TMEM201: variants seen among roughly 807,000 people sequenced by gnomAD.
TMEM201 encodes transmembrane protein 201.
TMEM201 carries 26 observed loss-of-function variants against 63.4 expected under a neutral mutation model. That is an observed-to-expected ratio of 0.41 (90% confidence interval 0.30 to 0.57). The LOEUF (loss-of-function observed/expected upper bound fraction) is 0.57. Among genes scored for constraint, TMEM201 ranks in the 20% least tolerant of loss-of-function variants. The pLI, the probability that TMEM201 is intolerant of heterozygous loss-of-function variation, is 0.29. For missense variants in TMEM201, 794 were observed against 917.7 expected (o/e 0.87, Z 1.74); for synonymous variants, 417 against 421.6 (o/e 0.99, Z 0.14).
intron 5 of TMEM201, 72 bp downstream of exon 5, chr1:9,601,526 C>A: frequency 1.4e-6 from 2 of 1,391,370 alleles, no homozygotes; most frequent in South Asian, 2.7e-5. Context: ...AGGGCGGGGG[C>A]CAAGAGACCC....
chr1:9,605,157 T>G lies in TMEM201; in HGVS notation c.1161-2400T>G, dbSNP rs577959468. Among the ~76,000 whole-genome samples, 1 of 152,200 alleles carries G rather than the reference T, an allele frequency of 6.6e-6. No homozygotes were observed. Among genetic ancestry groups the G allele is most frequent in the Non-Finnish European group, 1.5e-5 (1 of 68,030 alleles). ...TCATATTTTTTCCGTCTCAATAAACTGTTGCTTAAAACGTGGTCTCTCTCC... is the reference window on the plus strand; with the variant it reads ...TCATATTTTTTCCGTCTCAATAAACGGTTGCTTAAAACGTGGTCTCTCTCC... On this transcript the variant is annotated intron_variant, in intron 6 of 10. Coordinates refer to ENST00000340381, the MANE Select transcript of TMEM201 (RefSeq NM_001130924.3). This position sits in a 1 kb window ranked among gnomAD's most constrained non-coding sequence, Gnocchi z 5.7.
chr1:9,593,283 C>G (rs1054103277), intron 1 of TMEM201, among the ~76,000 whole-genome samples: 1 of 152,210 alleles, frequency 6.6e-6, no homozygotes, highest in Non-Finnish European at 1.5e-5. Context: ...CTGACGCCGC[C>G]GTGCTGGTGC....
In TMEM201 at chr1:9,607,340, G is replaced by T. The variant is rs1044736433; in HGVS notation, c.1161-217G>T. Among the ~76,000 whole-genome samples, 4 of 152,072 alleles carry T rather than the reference G, an allele frequency of 2.6e-5. No homozygotes were observed. The highest frequency in any genetic ancestry group is 5.9e-5 in the Non-Finnish European group (4 of 68,000). On this transcript the variant is annotated intron_variant, in intron 6 of 10. Transcript: ENST00000340381. The surrounding 1 kb of genome is among the most constrained non-coding windows in gnomAD (Gnocchi z 5.4). ...CGAGGGGGTAGGAGGGGGCATGTGG[G>T]GAGGGCCGGGTCTTGCTGGCACCTC...
Position 9,602,059 on chromosome 1 carries a change from T to G in TMEM201, c.957-10T>G, listed in dbSNP as rs1427084489. The G allele has an allele frequency of 6.2e-7, 1 of 1,607,856 alleles. No homozygotes were observed. The highest frequency in any genetic ancestry group is 8.5e-7 in the Non-Finnish European group (1 of 1,176,782). On this transcript the variant is annotated splice_polypyrimidine_tract_variant and intron_variant, in intron 5 of 10. Coordinates refer to ENST00000340381, the MANE Select transcript of TMEM201 (RefSeq NM_001130924.3). The stretch of plus-strand genomic sequence containing the variant: ...CCTCCCCTGGGGTGACCCCGCTGCT[T>G]CCCTTTCAGGCTCCGGAGGATCGAT...
At chr1:9,596,152 A>G (rs1454197062) in intron 2 of TMEM201, 142 bp downstream of exon 2, 1 of 1,125,358 alleles carries the variant, frequency 8.9e-7, no homozygotes, top group Non-Finnish European at 1.3e-6. Flanking sequence ...CCAGGCCCTG[A>G]GCATGGTGTT....
chr1:9,592,185 T>C (rs1485210132), intron 1 of TMEM201, among the ~76,000 whole-genome samples: 3 of 152,168 alleles, frequency 2.0e-5, no homozygotes, highest in Non-Finnish European at 4.4e-5. Flanking sequence ...TTGATGCTTC[T>C]GTCGCTGAAG....
In TMEM201 at chr1:9,604,475, C is replaced by G; in HGVS notation, c.1160+2203C>G. The G allele has an allele frequency of 1.0e-6, 1 of 985,460 alleles. No individual in the cohort carries two copies. The highest frequency in any genetic ancestry group is 1.2e-6 in the Non-Finnish European group (1 of 829,946). 61.0% of individuals were successfully genotyped at this position (985,460 alleles called of 1,614,324 possible). On this transcript the variant is annotated intron_variant, in intron 6 of 10. Coordinates refer to ENST00000340381, the MANE Select transcript of TMEM201 (RefSeq NM_001130924.3). This position sits in a 1 kb window ranked among gnomAD's most constrained non-coding sequence, Gnocchi z 4.1. ...ATTCCAGCACCAAGTGTTGTGGCAA[C>G]AGCTGAGAGAGTGCAGGCACCACTG...
chr1:9,606,035 A>G (rs1354194162), intron 6 of TMEM201, among the ~76,000 whole-genome samples: 1 of 152,118 alleles, frequency 6.6e-6, no homozygotes, highest in African/African-American at 2.4e-5. Context: ...ACTCCCTCCC[A>G]TGGAGGGTCA....
intron 1 of TMEM201, among the ~76,000 whole-genome samples, chr1:9,592,480 G>A (rs956528569): frequency 3.9e-5 from 6 of 152,188 alleles, no homozygotes; most frequent in African/African-American, 1.4e-4. Context: ...GAGCTCCCCA[G>A]GGCAGGGACC....
At position 9,604,710 on chromosome 1, in the gene TMEM201, C is replaced by G; in HGVS notation, c.1160+2438C>G. 1.0e-6 allele frequency: 1 copy of G among 986,012 alleles called. No homozygotes were observed. Among genetic ancestry groups the G allele is most frequent in the Non-Finnish European group, 1.2e-6 (1 of 830,072 alleles). 61.1% of individuals were successfully genotyped at this position (986,012 alleles called of 1,614,324 possible). ...CCAGGCCAAGCCGGCCCCCCGTACC[C>G]CTTGCCTGGGAGCAAACCGCCAGGA... On this transcript the variant is annotated intron_variant, in intron 6 of 10. Transcript: ENST00000340381. The surrounding 1 kb of genome is among the most constrained non-coding windows in gnomAD (Gnocchi z 4.1).
In TMEM201 at chr1:9,598,617, C is replaced by G. The variant is rs1415231886; in HGVS notation, c.598C>G (p.His200Asp). The G allele has an allele frequency of 1.7e-5, 28 of 1,612,698 alleles. No individual in the cohort carries two copies. Among genetic ancestry groups the G allele is most frequent in the Non-Finnish European group, 2.4e-5 (28 of 1,179,704 alleles). ...CAAGCGCCGGGAGGCCGACCAGACCCACGCACAGGTGAGAGGCGGCATCCA... is the reference window on the plus strand; with the variant it reads ...CAAGCGCCGGGAGGCCGACCAGACCGACGCACAGGTGAGAGGCGGCATCCA... Reference protein sequence around the residue: ...QFKRREADQTHAQNFSSAVKS... With the variant: ...QFKRREADQTDAQNFSSAVKS... The change falls in exon 4 of 11, where the codon CAC becomes GAC. Residue 200 changes from histidine to aspartate, a missense_variant. Transcript: ENST00000340381.
At chr1:9,596,832 G>C (rs1644029559) in intron 2 of TMEM201, 27 bp from the exon 3 acceptor site, 1 of 1,558,502 alleles carries the variant, frequency 6.4e-7, no homozygotes, top group Admixed American at 1.7e-5. Flanking sequence ...GGGCCTGCCT[G>C]CCTCGAGTCC....
intron 1 of TMEM201, among the ~76,000 whole-genome samples, chr1:9,591,070 C>A (rs151193840): frequency 5.9e-5 from 9 of 152,182 alleles, no homozygotes; most frequent in African/African-American, 1.9e-4. Context: ...CTGGCTGAGG[C>A]GCATGGGAAG....
intron 1 of TMEM201, among the ~76,000 whole-genome samples, chr1:9,589,429 G>A (rs1028276844): frequency 2.0e-5 from 3 of 152,240 alleles, no homozygotes; most frequent in Non-Finnish European, 4.4e-5. Flanking sequence ...TGACGTCCCG[G>A]GCGTTTTTCT....
Position 9,597,145 on chromosome 1 carries a change from G to A in TMEM201, c.429+92G>A, listed in dbSNP as rs1253607887. 2.1e-6 allele frequency: 3 copies of A among 1,420,546 alleles called. No individual in the cohort carries two copies. The Admixed American group carries it at 6.6e-5, about 31-fold the overall frequency. The allele number at this position is 1,420,546 out of a possible 1,614,324, so 88.0% of individuals were successfully genotyped here. A position where few individuals can be genotyped will look rare whatever the true frequency, so the allele number is the denominator to read the frequency against. ...AGGCACGTGCAGGGTGCTGACTCTGGTCCTCTGGCCCCTGCTCTGCTAGAC... is the reference window on the plus strand; with the variant it reads ...AGGCACGTGCAGGGTGCTGACTCTGATCCTCTGGCCCCTGCTCTGCTAGAC... On this transcript the variant is annotated intron_variant, in intron 3 of 10. Transcript: ENST00000340381.
chr1:9,610,868 G>T lies in TMEM201; in HGVS notation c.1765+63G>T. ...GCCTCTGCTGCCAAGAGGCCTGGCT[G>T]TGCGGCGGTGGGGGGGCTCATCCTT... On this transcript the variant is annotated intron_variant, in intron 9 of 10. Coordinates refer to ENST00000340381, the MANE Select transcript of TMEM201 (RefSeq NM_001130924.3). The surrounding 1 kb of genome is among the most constrained non-coding windows in gnomAD (Gnocchi z 4.9). 6.7e-7 allele frequency: 1 copy of T among 1,494,234 alleles called. No individual in the cohort carries two copies. The highest frequency in any genetic ancestry group is 8.9e-7 in the Non-Finnish European group (1 of 1,117,802). The allele number at this position is 1,494,234 out of a possible 1,614,324, so 92.6% of individuals were successfully genotyped here. A position where few individuals can be genotyped will look rare whatever the true frequency, so the allele number is the denominator to read the frequency against.
rs140603595 is a variant in TMEM201 at position 9,599,988 on chromosome 1, C to T, written c.607-1117C>T. Among the ~76,000 whole-genome samples, 1,456 of 152,248 alleles carry T rather than the reference C, an allele frequency of 9.6e-3. 23 individuals are homozygous for T. Among genetic ancestry groups the T allele is most frequent in the African/African-American group, 0.033 (1,358 of 41,510 alleles). On this transcript the variant is annotated intron_variant, in intron 4 of 10. Transcript: ENST00000340381. ...AAGTACAGTAGTAAGTTATTCAGAC[C>T]AGGAACAAGGCAGACAGAATGAGAA...
chr1:9,601,609 C>T (rs569826774), intron 5 of TMEM201, among the ~76,000 whole-genome samples, 155 bp downstream of exon 5: 17 of 152,264 alleles, frequency 1.1e-4, no homozygotes, highest in Non-Finnish European at 2.2e-4. Flanking sequence ...GGCTGGGAGT[C>T]GTAGGTGAGG....
rs748844638 is a variant in TMEM201 at position 9,596,864 on chromosome 1, C to G, written c.240C>G (p.Gly80=). The change falls in exon 3 of 11, where the codon GGC becomes GGG. Residue 80 remains glycine, a synonymous_variant. Transcript: ENST00000340381. ...GTCCCACCTCTCTCCCGCAGAACGGCGACTACAACAAGCCGATCCCCGCCC... is the reference window on the plus strand; with the variant it reads ...GTCCCACCTCTCTCCCGCAGAACGGGGACTACAACAAGCCGATCCCCGCCC... ...CEQYNGFQEN[G]DYNKPIPAQY... 6.3e-7 allele frequency: 1 copy of G among 1,585,430 alleles called. No homozygotes were observed. The highest frequency in any genetic ancestry group is 8.6e-7 in the Non-Finnish European group (1 of 1,158,526).
Sources: gnomAD v4.1 joint callset for allele counts (sites outside exome capture counted in the v4.1 genomes callset) on GRCh38, gnomAD v4.1.1 for gene constraint, Gnocchi (gnomAD v3.1) non-coding constraint, MANE v1.5 for transcripts, NCBI Gene and HGNC (gene_info 2026-07-23, HGNC 2026-07-21) for gene names.